Variants in ZFHX3 observed in about 807,000 individuals in gnomAD.
The protein encoded by ZFHX3 is zinc finger homeobox 3.
ZFHX3 carries 42 observed loss-of-function variants against 279.1 expected under a neutral mutation model. That is an observed-to-expected ratio of 0.15 (90% confidence interval 0.12 to 0.19). The LOEUF is 0.19. Among genes scored for constraint, ZFHX3 ranks in the 10% least tolerant of loss-of-function variants. The pLI, the probability that ZFHX3 is intolerant of heterozygous loss-of-function variation, is 1.00. For missense variants in ZFHX3, 4,981 were observed against 4,754.0 expected (o/e 1.05, Z -1.40); for synonymous variants, 2,293 against 1,957.8 (o/e 1.17, Z -4.52).
intron 3 of ZFHX3, among the ~76,000 whole-genome samples, chr16:73,323,137 G>C (rs2015612846): frequency 6.6e-6 from 1 of 152,176 alleles, no homozygotes; most frequent in African/African-American, 2.4e-5. Context: ...ATCATGGCTG[G>C]GGGTGGGGAA....
intron 4 of ZFHX3, among the ~76,000 whole-genome samples, chr16:73,300,519 T>G (rs1162422891): frequency 6.6e-6 from 1 of 152,068 alleles, no homozygotes; most frequent in Admixed American, 6.5e-5. Flanking sequence ...CTTTTTTTTT[T>G]TTTGGACAGA....
chr16:73,244,749 G>A (rs1010520903), intron 5 of ZFHX3, among the ~76,000 whole-genome samples: 1 of 152,192 alleles, frequency 6.6e-6, no homozygotes, highest in South Asian at 2.1e-4. Flanking sequence ...AAGGACAGGA[G>A]AGACTGCCTT....
At chr16:73,686,821 T>C (rs2053089863) in intron 1 of ZFHX3, among the ~76,000 whole-genome samples, 1 of 151,474 alleles carries the variant, frequency 6.6e-6, no homozygotes, top group African/African-American at 2.4e-5. Context: ...GTTATAAAGT[T>C]TACAGACTAA....
At chr16:73,184,354 G>A (rs1264542873) in intron 5 of ZFHX3, among the ~76,000 whole-genome samples, 2 of 152,210 alleles carry the variant, frequency 1.3e-5, no homozygotes, top group East Asian at 3.9e-4. Context: ...TTTCATGGAA[G>A]ACATTTTTGT....
intron 1 of ZFHX3, among the ~76,000 whole-genome samples, chr16:72,961,941 G>A (rs1350236267): frequency 6.6e-6 from 1 of 151,734 alleles, no homozygotes; most frequent in Non-Finnish European, 1.5e-5. Context: ...AACAGCAAAC[G>A]CAATGGGACT....
chr16:73,644,310 T>G (rs994862635), intron 2 of ZFHX3, among the ~76,000 whole-genome samples: 1 of 151,958 alleles, frequency 6.6e-6, no homozygotes, highest in African/African-American at 2.4e-5. Context: ...ACTGTAAACT[T>G]AAGACATCCC....
chr16:72,940,663 C>G (rs1960368990), intron 3 of ZFHX3, among the ~76,000 whole-genome samples: 1 of 152,152 alleles, frequency 6.6e-6, no homozygotes, highest in Non-Finnish European at 1.5e-5. Flanking sequence ...GGGTGTAAAC[C>G]CCTTCAGCAA....
chr16:73,804,060 G>C (rs555338497), intron 1 of ZFHX3, among the ~76,000 whole-genome samples: 1 of 152,180 alleles, frequency 6.6e-6, no homozygotes, highest in East Asian at 1.9e-4. Flanking sequence ...GGGAGGATGA[G>C]GTGGGAAGAT....
chr16:73,058,275 GGAA>G (rs563780064), intron 1 of ZFHX3, among the ~76,000 whole-genome samples: 6 of 143,910 alleles, frequency 4.2e-5, no homozygotes, highest in Admixed American at 6.8e-5. Context: ...GGGAGGAGGA[GGAA>G]GAAGAAGAGA....
chr16:73,059,856 G>C (rs991784714), upstream of ZFHX3, among the ~76,000 whole-genome samples: 2 of 152,014 alleles, frequency 1.3e-5, no homozygotes, highest in Non-Finnish European at 2.9e-5. Context: ...GTCTTCTCTG[G>C]TTCTTTAGAA....
intron 3 of ZFHX3, among the ~76,000 whole-genome samples, chr16:73,384,844 C>T (rs2016871103): frequency 1.3e-5 from 2 of 152,320 alleles, no homozygotes; most frequent in Admixed American, 1.3e-4. Context: ...TTCCCATTTC[C>T]ATTAATGTGC....
intron 3 of ZFHX3, among the ~76,000 whole-genome samples, chr16:73,376,191 A>C (rs1284535478): frequency 1.3e-5 from 2 of 152,130 alleles, no homozygotes; most frequent in African/African-American, 4.8e-5. Flanking sequence ...GATTTTATAT[A>C]ATTTTTTTGT....
chr16:72,951,264 C>CTT (rs549453988), intron 2 of ZFHX3, among the ~76,000 whole-genome samples: 66 of 147,644 alleles, frequency 4.5e-4, no homozygotes, highest in African/African-American at 1.6e-3. Context: ...ATTTCCTTTT[C>CTT]TTTTTTTTTT....
intron 7 of ZFHX3, among the ~76,000 whole-genome samples, chr16:73,125,904 C>A (rs1205890157): frequency 6.6e-6 from 1 of 152,072 alleles, no homozygotes; most frequent in African/African-American, 2.4e-5. Flanking sequence ...TCCCACTTCA[C>A]AGATGAGAAA....
intron 3 of ZFHX3, among the ~76,000 whole-genome samples, chr16:72,943,464 G>A (rs563109739): frequency 1.5e-4 from 23 of 152,084 alleles, no homozygotes; most frequent in Non-Finnish European, 2.9e-4. Context: ...ACCCAGAGGC[G>A]GAGGTTGCAA....
chr16:72,929,507 T>C (rs1443131769), intron 3 of ZFHX3, among the ~76,000 whole-genome samples: 1 of 152,184 alleles, frequency 6.6e-6, no homozygotes, highest in Non-Finnish European at 1.5e-5. Context: ...GAACGATATG[T>C]CTAGAGAACA....
chr16:73,039,831 CCAAGCAAATTTT>C (rs1965046497), intron 1 of ZFHX3, among the ~76,000 whole-genome samples: 1 of 152,070 alleles, frequency 6.6e-6, no homozygotes, highest in Non-Finnish European at 1.5e-5. Flanking sequence ...CATGCACAAC[CCAAGCAAATTTT>C]TAATACTCAG....
At chr16:73,696,778 T>C (rs2053201522) in intron 1 of ZFHX3, among the ~76,000 whole-genome samples, 1 of 152,168 alleles carries the variant, frequency 6.6e-6, no homozygotes, top group African/African-American at 2.4e-5. Flanking sequence ...TTAACTTCCA[T>C]TCCATCTGCT....
intron 5 of ZFHX3, among the ~76,000 whole-genome samples, chr16:73,178,809 T>C (rs74028079): frequency 0.038 from 5,854 of 152,210 alleles, 163 homozygotes; most frequent in African/African-American, 0.081. Context: ...TAGATATGTG[T>C]TGACTAGTGA....
Sources: allele counts gnomAD v4.1 joint callset (sites outside exome capture counted in the v4.1 genomes callset), GRCh38; gene constraint gnomAD v4.1.1; transcripts MANE v1.5; gene names NCBI Gene and HGNC (gene_info 2026-07-23, HGNC 2026-07-21).